The following RFC1 variants were observed in gnomAD, a reference collection of about 807,000 sequenced individuals.
RFC1 encodes the protein A1 140 kDa subunit.
Under a neutral mutation model 137.4 loss-of-function variants are expected in RFC1, and 37 were observed. That is an observed-to-expected ratio of 0.27 (90% CI 0.21 to 0.35). The LOEUF (loss-of-function observed/expected upper bound fraction) is 0.35. Among genes scored for constraint, RFC1 ranks in the 10% least tolerant of loss-of-function variants. RFC1 has a pLI of 1.00. For missense variants in RFC1, 1,205 were observed against 1,358.5 expected, an observed-to-expected ratio of 0.89 and a Z score of 1.78; for synonymous variants, 429 against 455.7, an observed-to-expected ratio of 0.94 and a Z score of 0.75.
rs1178128210 is a variant in RFC1 at position 39,302,345 on chromosome 4, C to T, written c.2468G>A (p.Arg823Gln). 9.3e-6 allele frequency: 15 copies of T among 1,613,028 alleles called. No homozygotes were observed. The highest frequency in any genetic ancestry group is 1.3e-5 in the Non-Finnish European group (15 of 1,179,062). Residue 823 changes from arginine (R) to glutamine (Q), a missense_variant, in exon 19 of 25, where the codon CGA becomes CAA. By Grantham distance (43) the Arg-to-Gln change is conservative. Coordinates refer to ENST00000349703, the MANE Select transcript of RFC1 (RefSeq NM_002913.5). The part of the protein sequence containing the change: ...VLHNLSMWCA[R>Q]SKALTYDQAK... ...CTGGTCATAGGTTAATGCTTTACTT[C>T]GTGCACACCACATACTCAGATTATG...
intron 9 of RFC1, among the ~76,000 whole-genome samples, chr4:39,319,712 C>G (rs934995735): frequency 6.6e-6 from 1 of 152,074 alleles, no homozygotes; most frequent in African/African-American, 2.4e-5. Flanking sequence ...CCAAGACCAC[C>G]CCAGTAGGTG....
chr4:39,358,526 C>CT (rs1470434209), intron 1 of RFC1, among the ~76,000 whole-genome samples: 1 of 152,144 alleles, frequency 6.6e-6, no homozygotes, highest in East Asian at 1.9e-4. Flanking sequence ...GAGCCACGCG[C>CT]TATATGGCAG....
chr4:39,309,053 G>C (rs748613525), intron 12 of RFC1, 21 bp from the exon 13 acceptor site: 1 of 1,567,006 alleles, frequency 6.4e-7, no homozygotes, highest in South Asian at 1.2e-5. Context: ...GGAAAAATGA[G>C]GAAAAAAGAA....
intron 15 of RFC1, among the ~76,000 whole-genome samples, chr4:39,303,599 G>A (rs767952311): frequency 1.1e-4 from 16 of 152,036 alleles, no homozygotes; most frequent in South Asian, 4.2e-4. Flanking sequence ...GATTACAGGC[G>A]CACGCCACCA....
chr4:39,307,203 A>G (rs1049524914), intron 13 of RFC1, among the ~76,000 whole-genome samples: 24 of 152,248 alleles, frequency 1.6e-4, no homozygotes, highest in African/African-American at 5.5e-4. Flanking sequence ...TAACAAGCAT[A>G]GTAGCTACAT....
intron 1 of RFC1, among the ~76,000 whole-genome samples, chr4:39,357,072 T>C (rs1051362435): frequency 6.6e-5 from 10 of 152,254 alleles, no homozygotes; most frequent in Admixed American, 1.3e-4. Flanking sequence ...TAGGTCTCTG[T>C]TCTTGTGAAG....
chr4:39,349,717 C>T (rs1741088445), intron 2 of RFC1, among the ~76,000 whole-genome samples: 2 of 152,108 alleles, frequency 1.3e-5, no homozygotes, highest in Non-Finnish European at 2.9e-5. Context: ...TTTAAAGCAG[C>T]TACTAGGCCG....
At chr4:39,296,612 A>G (rs1341626106) in intron 21 of RFC1, among the ~76,000 whole-genome samples, 4 of 151,412 alleles carry the variant, frequency 2.6e-5, no homozygotes, top group Non-Finnish European at 5.9e-5. Flanking sequence ...ATAGTATTCC[A>G]TGGTATATAT....
Position 39,362,536 on chromosome 4 carries a change from G to C in RFC1, c.3+3703C>G, listed in dbSNP as rs139162721. Among the ~76,000 whole-genome samples, 268 of 152,294 alleles carry C rather than the reference G, an allele frequency of 1.8e-3. 1 individual carries two copies. Among genetic ancestry groups the C allele is most frequent in the African/African-American group, 6.2e-3 (259 of 41,556 alleles). ...AAGGGTGCCAAGATAATTCAATGGAGAAAGAAGAGTCTTTTCAAAAAATGG... is the reference window on the plus strand; with the variant it reads ...AAGGGTGCCAAGATAATTCAATGGACAAAGAAGAGTCTTTTCAAAAAATGG... On this transcript the variant is annotated intron_variant, in intron 1 of 24. Transcript: ENST00000349703.
chr4:39,337,990 C>T lies in RFC1; in HGVS notation c.331+4355G>A, dbSNP rs1281060117. Among the ~76,000 whole-genome samples, 4 of 152,184 alleles carry T rather than the reference C, an allele frequency of 2.6e-5. No individual in the cohort carries two copies. The East Asian group carries it at 7.7e-4, about 29-fold the overall frequency. ...ACCCCCACCATTTTCGATCAAACAA[C>T]AGGCCCTGATGAAACCGTAATAAAA... On this transcript the variant is annotated intron_variant, in intron 4 of 24. Transcript: ENST00000349703.
At chr4:39,309,129 A>AGGTTG in intron 12 of RFC1, 97 bp from the exon 13 acceptor site, 1 of 1,329,270 alleles carries the variant, frequency 7.5e-7, no homozygotes, top group Non-Finnish European at 1.0e-6. Context: ...AGAGATATCC[A>AGGTTG]AGTGGGCTAC....
intron 1 of RFC1, among the ~76,000 whole-genome samples, chr4:39,364,056 G>A (rs546979892): frequency 1.4e-5 from 2 of 147,986 alleles, no homozygotes; most frequent in Non-Finnish European, 3.0e-5. Context: ...CTCCAGCCTG[G>A]GCAACAGAGC....
At chr4:39,338,483 TAGAA>T (rs1578152276) in intron 4 of RFC1, among the ~76,000 whole-genome samples, 2 of 152,160 alleles carry the variant, frequency 1.3e-5, no homozygotes, top group East Asian at 1.9e-4. Context: ...TTTTTAAAAG[TAGAA>T]AGAAACAAGT....
intron 9 of RFC1, among the ~76,000 whole-genome samples, chr4:39,319,498 C>G (rs1480754190): frequency 6.6e-6 from 1 of 152,208 alleles, no homozygotes; most frequent in Non-Finnish European, 1.5e-5. Context: ...AGTATTCGCA[C>G]AGTATCTGAC....
intron 1 of RFC1, among the ~76,000 whole-genome samples, chr4:39,353,750 T>C (rs990531879): frequency 1.3e-5 from 2 of 152,192 alleles, no homozygotes; most frequent in Admixed American, 6.5e-5. Context: ...AGTGAGCTCA[T>C]AGATGGAAAC....
chr4:39,353,382 A>G (rs1478426962), intron 1 of RFC1, among the ~76,000 whole-genome samples: 2 of 136,422 alleles, frequency 1.5e-5, no homozygotes, highest in African/African-American at 5.3e-5. Context: ...CCTGGGCGAC[A>G]GAACGAGACT....
chr4:39,337,519 CT>C (rs1279956162), intron 4 of RFC1, among the ~76,000 whole-genome samples: 4 of 149,788 alleles, frequency 2.7e-5, no homozygotes, highest in African/African-American at 9.8e-5. Flanking sequence ...AATCTCTCAT[CT>C]TCAAAAATTC....
chr4:39,328,214 A>G (rs1202950415), intron 4 of RFC1, among the ~76,000 whole-genome samples: 1 of 152,146 alleles, frequency 6.6e-6, no homozygotes, highest in Non-Finnish European at 1.5e-5. Context: ...CCCCACATTT[A>G]CCAGTGCCAG....
chr4:39,342,962 C>T (rs897865048), intron 3 of RFC1, among the ~76,000 whole-genome samples: 1 of 152,226 alleles, frequency 6.6e-6, no homozygotes, highest in Non-Finnish European at 1.5e-5. Flanking sequence ...ACTCTCTAAA[C>T]CCTTTTTCTA....
Sources: gnomAD v4.1 joint callset for allele counts (sites outside exome capture counted in the v4.1 genomes callset) on GRCh38, gnomAD v4.1.1 for gene constraint, MANE v1.5 for transcripts, NCBI Gene and HGNC (gene_info 2026-07-23, HGNC 2026-07-21) for gene names.